IGF1R: variants seen among roughly 807,000 people sequenced by gnomAD.
The protein encoded by IGF1R is insulin like growth factor 1 receptor, also known as insulin-like growth factor 1 receptor.
In IGF1R, 44 loss-of-function variants were observed where a neutral mutation model predicts 144.6. That is an observed-to-expected ratio of 0.30 (90% CI 0.24 to 0.39). The LOEUF is 0.39. Among genes scored for constraint, IGF1R ranks in the 10% least tolerant of loss-of-function variants. IGF1R has a pLI of 1.00. For missense variants in IGF1R, 1,355 were observed against 1,833.7 expected (o/e 0.74, Z 4.77); for synonymous variants, 795 against 722.8 (o/e 1.10, Z -1.60).
chr15:98,715,867 G>C (rs2054102022), intron 2 of IGF1R, among the ~76,000 whole-genome samples: 1 of 152,144 alleles, frequency 6.6e-6, no homozygotes, highest in Non-Finnish European at 1.5e-5. Context: ...GTGGGAGATG[G>C]GATTTTTCTG....
chr15:98,928,519 G>C lies in IGF1R; in HGVS notation c.2783-1039G>C, dbSNP rs550178624. Among the ~76,000 whole-genome samples the C allele has an allele frequency of 4.9e-4, 74 of 152,328 alleles. 1 individual carries two copies. In the South Asian group the frequency reaches 0.015, roughly 31 times the overall value. On this transcript the variant is annotated intron_variant, in intron 13 of 20. Transcript: ENST00000650285. ...TGCAGAATGAGGGTGAAACTGCTTAGCTTGGGCTGGGTCCCTTGTGAGCTG... is the reference window on the plus strand; with the variant it reads ...TGCAGAATGAGGGTGAAACTGCTTACCTTGGGCTGGGTCCCTTGTGAGCTG...
intron 2 of IGF1R, among the ~76,000 whole-genome samples, chr15:98,885,129 T>C (rs1246391877): frequency 6.6e-6 from 1 of 152,198 alleles, no homozygotes; most frequent in Non-Finnish European, 1.5e-5. Context: ...TAAGCTACCC[T>C]TTGCTTGCTA....
chr15:98,800,686 A>C (rs548224215), intron 2 of IGF1R, among the ~76,000 whole-genome samples: 1 of 151,956 alleles, frequency 6.6e-6, no homozygotes, highest in Non-Finnish European at 1.5e-5. Flanking sequence ...TCTCAAGGGG[A>C]GGCGAACTTG....
intron 2 of IGF1R, among the ~76,000 whole-genome samples, chr15:98,789,585 A>G (rs894661225): frequency 6.6e-6 from 1 of 152,146 alleles, no homozygotes; most frequent in Admixed American, 6.6e-5. Flanking sequence ...GTGATATGCC[A>G]TTTCTTAATT....
At chr15:98,719,624 T>G (rs1234252078) in intron 2 of IGF1R, among the ~76,000 whole-genome samples, 3 of 152,146 alleles carry the variant, frequency 2.0e-5, no homozygotes, top group Admixed American at 2.0e-4. Flanking sequence ...AGGAATTTGT[T>G]TTGCAGGATT....
chr15:98,657,918 C>T (rs1342445517), intron 1 of IGF1R, among the ~76,000 whole-genome samples: 5 of 152,322 alleles, frequency 3.3e-5, no homozygotes, highest in African/African-American at 1.2e-4. Flanking sequence ...GGGATCCAGC[C>T]TGGTCCAGTG....
intron 2 of IGF1R, among the ~76,000 whole-genome samples, chr15:98,759,179 C>T (rs72769809): frequency 0.054 from 8,208 of 152,234 alleles, 268 homozygotes; most frequent in East Asian, 0.12. Context: ...GGCACTTCTT[C>T]ACTCCACAGC....
In IGF1R at chr15:98,957,544, C is replaced by A. The variant is rs2017055216; in HGVS notation, c.*102C>A. 6.9e-7 allele frequency: 1 copy of A among 1,459,542 alleles called. No individual in the cohort carries two copies. Among genetic ancestry groups the A allele is most frequent in the East Asian group, 2.3e-5 (1 of 43,532 alleles). 90.4% of individuals were successfully genotyped at this position (1,459,542 alleles called of 1,614,324 possible). ...CAATCCATTCACAAGCCTCCTGTAC[C>A]TCAGTGGATCTTCAGAACTGCCCTT... On this transcript the variant is annotated 3_prime_UTR_variant, in exon 21 of 21. Transcript: ENST00000650285.
At chr15:98,898,467 C>T (rs552915567) in intron 4 of IGF1R, among the ~76,000 whole-genome samples, 4 of 152,328 alleles carry the variant, frequency 2.6e-5, no homozygotes, top group African/African-American at 9.6e-5. Flanking sequence ...GGCATGCTTC[C>T]TGCCCCACGT....
intron 5 of IGF1R, among the ~76,000 whole-genome samples, chr15:98,905,657 C>G (rs1183682897): frequency 1.3e-5 from 2 of 150,478 alleles, no homozygotes; most frequent in Non-Finnish European, 3.0e-5. Flanking sequence ...GAGTGAGACC[C>G]TGTCTCAAGG....
chr15:98,786,952 C>A (rs2056013324), intron 2 of IGF1R, among the ~76,000 whole-genome samples: 1 of 152,338 alleles, frequency 6.6e-6, no homozygotes, highest in Middle Eastern at 3.4e-3. Context: ...TTGAGGATTG[C>A]TCAGAGCCTG....
chr15:98,873,052 C>T (rs938589288), intron 2 of IGF1R, among the ~76,000 whole-genome samples: 2 of 152,054 alleles, frequency 1.3e-5, no homozygotes, highest in Non-Finnish European at 2.9e-5. Context: ...TGTCCTCCTC[C>T]CTGAAGGCAA....
Position 98,961,091 on chromosome 15 carries a change from GCCT to G in IGF1R, c.*3653_*3655del. ...CCAGCCTAAGTGAAGGCGCTCAGGA[GCCT>G]CCTGCTGGAACGCGACCCATCTCTC... is the stretch of plus-strand genomic sequence containing the variant. On this transcript the variant is annotated 3_prime_UTR_variant, in exon 21 of 21. Coordinates refer to ENST00000650285, the MANE Select transcript of IGF1R (RefSeq NM_000875.5). The G allele has an allele frequency of 4.3e-6, 1 of 233,582 alleles. No homozygotes were observed. Among genetic ancestry groups the G allele is most frequent in the Non-Finnish European group, 8.5e-6 (1 of 117,974 alleles). The allele number at this position is 233,582 out of a possible 1,614,324, so 14.5% of individuals were successfully genotyped here.
chr15:98,931,705 A>T (rs1386022156), intron 15 of IGF1R, among the ~76,000 whole-genome samples: 1 of 390 alleles, frequency 2.6e-3, no homozygotes, highest in Non-Finnish European at 0.014. Flanking sequence ...TTAAAAAAAA[A>T]AAAAAAAAAA....
intron 2 of IGF1R, among the ~76,000 whole-genome samples, chr15:98,885,991 AT>A (rs973144221): frequency 1.3e-5 from 2 of 151,730 alleles, no homozygotes; most frequent in African/African-American, 4.8e-5. Context: ...TAATTTTTGT[AT>A]TTTTAGTAAG....
chr15:98,865,513 G>T (rs1224641421), intron 2 of IGF1R, among the ~76,000 whole-genome samples: 1 of 152,196 alleles, frequency 6.6e-6, no homozygotes, highest in Non-Finnish European at 1.5e-5. Context: ...CGTCCCTCAC[G>T]TGGTCCCAGG....
intron 2 of IGF1R, among the ~76,000 whole-genome samples, chr15:98,773,845 C>G (rs189778919): frequency 2.0e-5 from 3 of 152,002 alleles, no homozygotes; most frequent in Non-Finnish European, 4.4e-5. Context: ...TCTTGTGATC[C>G]GGGGGGAAGC....
intron 2 of IGF1R, among the ~76,000 whole-genome samples, chr15:98,795,374 ATTAG>A (rs1429924323): frequency 1.3e-5 from 2 of 151,838 alleles, no homozygotes. Context: ...AAATGATTAG[ATTAG>A]CATTATTATG....
At chr15:98,723,323 C>G (rs1025619936) in intron 2 of IGF1R, among the ~76,000 whole-genome samples, 1 of 152,168 alleles carries the variant, frequency 6.6e-6, no homozygotes, top group Admixed American at 6.5e-5. Flanking sequence ...CTTCTGTCCT[C>G]CAGTCAAAGA....
Sources: allele counts gnomAD v4.1 joint callset (sites outside exome capture counted in the v4.1 genomes callset), GRCh38; gene constraint gnomAD v4.1.1; transcripts MANE v1.5; gene names NCBI Gene and HGNC (gene_info 2026-07-23, HGNC 2026-07-21).